Variants in AREL1 observed in about 807,000 individuals in gnomAD.
AREL1 encodes the protein apoptosis-resistant E3 ubiquitin protein ligase 1.
A neutral mutation model predicts 99.0 loss-of-function variants in AREL1; 62 were observed. That is an observed-to-expected ratio of 0.63 (90% CI 0.51 to 0.77). The LOEUF (loss-of-function observed/expected upper bound fraction) is 0.77, where lower values mean the gene tolerates loss of function less well. AREL1 is among the 30% of genes least tolerant of loss of function. The probability of loss-of-function intolerance (pLI) is 0.00; values close to 1 mark genes in which losing one functional copy is unlikely to be tolerated. For missense variants in AREL1, 879 were observed against 1,027.6 expected (o/e 0.86, Z 1.98); for synonymous variants, 380 against 376.5 (o/e 1.01, Z -0.11).
chr14:74,681,304 GA>G (rs2089621389), intron 5 of AREL1, among the ~76,000 whole-genome samples: 1 of 152,134 alleles, frequency 6.6e-6, no homozygotes, highest in African/African-American at 2.4e-5. Context: ...CAGTAAAAAG[GA>G]ACCAACTACT....
At chr14:74,696,304 AC>A (rs2089978230) in intron 1 of AREL1, among the ~76,000 whole-genome samples, 1 of 152,146 alleles carries the variant, frequency 6.6e-6, no homozygotes, top group Admixed American at 6.5e-5. Context: ...GAATTACAAA[AC>A]TTGCAATGTT....
At chr14:74,711,103 C>G (rs1164262147) in intron 1 of AREL1, among the ~76,000 whole-genome samples, 1 of 151,960 alleles carries the variant, frequency 6.6e-6, no homozygotes. Context: ...TGTTGGCGCA[C>G]GCCTGTAATC....
At position 74,685,596 on chromosome 14, in the gene AREL1, G is replaced by C. The variant is rs374979700; in HGVS notation, c.16+4C>G. On this transcript the variant is annotated splice_donor_region_variant and intron_variant, in intron 3 of 19. Coordinates refer to ENST00000356357, the MANE Select transcript of AREL1 (RefSeq NM_001039479.2). ...TAATAGAGAGAGCTCTTTCCATAAC[G>C]TACCAATAACGTAAAACATCAGGTC... 6.2e-7 allele frequency: 1 copy of C among 1,614,102 alleles called. No individual in the cohort carries two copies. The highest frequency in any genetic ancestry group is 2.2e-5 in the East Asian group (1 of 44,884).
chr14:74,693,150 C>T (rs929363888), intron 1 of AREL1, among the ~76,000 whole-genome samples: 1 of 152,124 alleles, frequency 6.6e-6, no homozygotes, highest in Admixed American at 6.5e-5. Context: ...AGGTTACGGA[C>T]AGCCTTATAT....
chr14:74,663,903 T>G lies in AREL1; in HGVS notation c.2365A>C (p.Thr789Pro). The change falls in exon 19 of 20, where the codon ACA (threonine) becomes CCA (proline). Residue 789 changes from threonine to proline, a missense_variant. Thr to Pro is a conservative substitution (Grantham distance 38). Coordinates refer to ENST00000356357, the MANE Select transcript of AREL1 (RefSeq NM_001039479.2). ...ATCAGGCGGGCAGATACCTACCATGTGTGTGCAGTAGGCAGCGTGCTATGG... is the reference window on the plus strand; with the variant it reads ...ATCAGGCGGGCAGATACCTACCATGGGTGTGCAGTAGGCAGCGTGCTATGG... The part of the protein sequence containing the change: ...PTHSTLPTAH[T>P]CFNQLCLPTY... 6.2e-7 allele frequency: 1 copy of G among 1,614,192 alleles called. No homozygotes were observed. The highest frequency in any genetic ancestry group is 8.5e-7 in the Non-Finnish European group (1 of 1,180,024).
chr14:74,693,006 T>C (rs2089914565), intron 1 of AREL1, among the ~76,000 whole-genome samples: 1 of 151,996 alleles, frequency 6.6e-6, no homozygotes, highest in Non-Finnish European at 1.5e-5. Flanking sequence ...CATTCTTCAG[T>C]AGAAGCAAAC....
intron 2 of AREL1, among the ~76,000 whole-genome samples, chr14:74,690,877 T>C (rs868707750): frequency 6.6e-6 from 1 of 152,178 alleles, no homozygotes; most frequent in African/African-American, 2.4e-5. Flanking sequence ...GTGCTTTACA[T>C]ATGTTAACCT....
chr14:74,696,809 C>T (rs180762080), intron 1 of AREL1, among the ~76,000 whole-genome samples: 350 of 152,078 alleles, frequency 2.3e-3, no homozygotes, highest in Non-Finnish European at 3.8e-3. Flanking sequence ...TACTAAAATA[C>T]GAAAATTAGC....
chr14:74,698,753 G>A (rs1371273393), intron 1 of AREL1: 1 of 191,124 alleles, frequency 5.2e-6, no homozygotes, highest in Non-Finnish European at 1.2e-5. Context: ...GCTGAGCATG[G>A]TGGTTCATAC....
intron 1 of AREL1, among the ~76,000 whole-genome samples, chr14:74,712,391 C>T (rs1391287261): frequency 6.6e-6 from 1 of 152,104 alleles, no homozygotes; most frequent in Non-Finnish European, 1.5e-5. Context: ...TCCTGGCTTT[C>T]CACAAACTTT....
intron 5 of AREL1, among the ~76,000 whole-genome samples, chr14:74,681,975 T>C (rs896824752): frequency 6.6e-6 from 1 of 152,202 alleles, no homozygotes; most frequent in African/African-American, 2.4e-5. Flanking sequence ...ACCAGATCTC[T>C]GCATTATTTC....
rs747876203 is a variant in AREL1, at chr14:74,664,842, T to C, written c.2187A>G (p.Arg729=). ...AVVVGGSWHF[R]EKVMRWFWTV... Reference sequence around the variant, plus strand: ...AGAAGTTTGGTCCATTTACCTTTTCTCTGAAATGCCATGAGCCACCAACAA... The same window carrying C: ...AGAAGTTTGGTCCATTTACCTTTTCCCTGAAATGCCATGAGCCACCAACAA... The change falls in exon 18 of 20, where the codon AGA becomes AGG. Residue 729 remains arginine, a synonymous_variant. Coordinates refer to ENST00000356357, the MANE Select transcript of AREL1 (RefSeq NM_001039479.2). 8 of 1,613,212 alleles carry C rather than the reference T, an allele frequency of 5.0e-6. No homozygotes were observed. The highest frequency in any genetic ancestry group is 6.8e-6 in the Non-Finnish European group (8 of 1,179,534).
chr14:74,703,172 GTAAC>G (rs1425023303), intron 1 of AREL1, among the ~76,000 whole-genome samples: 1 of 152,154 alleles, frequency 6.6e-6, no homozygotes, highest in Non-Finnish European at 1.5e-5. Flanking sequence ...TAGAGACTGG[GTAAC>G]TTCTAAAGAA....
At position 74,675,849 on chromosome 14, in the gene AREL1, A is replaced by G; in HGVS notation, c.930T>C (p.Thr310=). 6.2e-7 allele frequency: 1 copy of G among 1,614,196 alleles called. No homozygotes were observed. The highest frequency in any genetic ancestry group is 8.5e-7 in the Non-Finnish European group (1 of 1,180,024). Residue 310 remains threonine, a synonymous_variant, in exon 8 of 20, where the codon ACT becomes ACC. Transcript: ENST00000356357. ...TGTGCATGGGTGGCAGGTGCCATGG[A>G]GTGCTGCTACAGTTGGTAGCATTAT... ...YLYNATNCSS[T]PWHLPPMHMT... is the part of the protein sequence containing the mutation.
intron 13 of AREL1, 130 bp downstream of exon 13, chr14:74,670,632 T>C: frequency 1.4e-6 from 1 of 723,794 alleles, no homozygotes; most frequent in Non-Finnish European, 2.3e-6. Context: ...TTAGCTTATA[T>C]TTTAAGCAGT....
rs1274780183 is a variant in AREL1 at position 74,661,272 on chromosome 14, T to C, written c.*2448A>G. On this transcript the variant is annotated 3_prime_UTR_variant, in exon 20 of 20. Transcript: ENST00000356357. ...ACTCCTTAGTTCTTTTAAACATTTA[T>C]TTATCTACTGTACAAAATATTTACA... 2.2e-6 allele frequency: 1 copy of C among 456,218 alleles called. No homozygotes were observed. Among genetic ancestry groups the C allele is most frequent in the Non-Finnish European group, 4.4e-6 (1 of 226,662 alleles). 28.3% of individuals were successfully genotyped at this position (456,218 alleles called of 1,614,324 possible).
chr14:74,712,896 C>T (rs1051069417), intron 1 of AREL1, 37 bp downstream of exon 1: 2 of 608,820 alleles, frequency 3.3e-6, no homozygotes, highest in Non-Finnish European at 6.1e-6. Flanking sequence ...AAAGGCAGGT[C>T]TTCTGGGCTC....
At chr14:74,678,073 T>A (rs1370667658) in intron 5 of AREL1, 1 of 388,918 alleles carries the variant, frequency 2.6e-6, no homozygotes, top group African/African-American at 2.1e-5. Flanking sequence ...CCAGCAAGAT[T>A]ATTTATAGAT....
At chr14:74,682,141 A>C (rs1011460083) in intron 5 of AREL1, among the ~76,000 whole-genome samples, 7 of 152,210 alleles carry the variant, frequency 4.6e-5, no homozygotes, top group African/African-American at 1.7e-4. Flanking sequence ...TGAGGCACTT[A>C]AGCAAAGGAG....
Sources: allele counts gnomAD v4.1 joint callset (sites outside exome capture counted in the v4.1 genomes callset), GRCh38; gene constraint gnomAD v4.1.1; transcripts MANE v1.5; gene names NCBI Gene and HGNC (gene_info 2026-07-23, HGNC 2026-07-21).